Variants in GALNT9 observed in about 807,000 individuals in gnomAD.
The protein encoded by GALNT9 is GalNAc transferase 9.
In GALNT9, 47 loss-of-function variants were observed where a neutral mutation model predicts 63.1. The observed-to-expected ratio is 0.75, with a 90% CI of 0.59 to 0.95. GALNT9 has a LOEUF of 0.95. GALNT9 is among the 40% of genes least tolerant of loss of function. The pLI, the probability that GALNT9 is intolerant of heterozygous loss-of-function variation, is 0.00. For missense variants in GALNT9, 829 were observed against 874.8 expected (o/e 0.95, Z 0.66); for synonymous variants, 396 against 365.7 (o/e 1.08, Z -0.94).
intron 6 of GALNT9, among the ~76,000 whole-genome samples, chr12:132,241,049 C>A (rs2136900556): frequency 1.8e-5 from 2 of 108,358 alleles, no homozygotes; most frequent in Admixed American, 9.2e-5. Flanking sequence ...TCCAGGGGCC[C>A]TCCCTATACC....
chr12:132,261,809 G>C (rs1879398596), intron 3 of GALNT9, among the ~76,000 whole-genome samples: 1 of 152,240 alleles, frequency 6.6e-6, no homozygotes, highest in Non-Finnish European at 1.5e-5. Flanking sequence ...GGGCAGATGG[G>C]GGACAGGCCT....
At chr12:132,322,219 ACGT>A (rs1216484805) in intron 1 of GALNT9, among the ~76,000 whole-genome samples, 6 of 152,132 alleles carry the variant, frequency 3.9e-5, no homozygotes, top group African/African-American at 1.4e-4. Context: ...CCATTCGTCC[ACGT>A]CACTCAGGCC....
At chr12:132,284,214 CA>C (rs1880494997) in intron 2 of GALNT9, 1 of 151,806 alleles carries the variant, frequency 6.6e-6, no homozygotes, top group South Asian at 2.1e-4. Flanking sequence ...CGTGCACACA[CA>C]GACTCCTGTG....
chr12:132,240,795 C>A, intron 6 of GALNT9: 1 of 443,830 alleles, frequency 2.3e-6, no homozygotes, highest in Non-Finnish European at 4.5e-6. Flanking sequence ...TACATGTTTA[C>A]ACACATGCCA....
rs1555238704 is a variant in GALNT9 at position 132,252,845 on chromosome 12, T to C, written c.960-4818A>G. 6.6e-6 allele frequency among the ~76,000 whole-genome samples: 1 copy of C among 150,506 alleles called. No homozygotes were observed. Among genetic ancestry groups the C allele is most frequent in the African/African-American group, 2.5e-5 (1 of 40,766 alleles). ...TTGTGGTGAGCCGAGATCGCACCACTGCACTCCAGCCTGGGCAACAACAGC... is the reference window on the plus strand; with the variant it reads ...TTGTGGTGAGCCGAGATCGCACCACCGCACTCCAGCCTGGGCAACAACAGC... On this transcript the variant is annotated intron_variant, in intron 5 of 10. Transcript: ENST00000328957. This position sits in a 1 kb window ranked among gnomAD's most constrained non-coding sequence, Gnocchi z 5.2.
At chr12:132,303,641 A>G (rs1207458166) in intron 1 of GALNT9, among the ~76,000 whole-genome samples, 2 of 33,434 alleles carry the variant, frequency 6.0e-5, no homozygotes, top group African/African-American at 2.1e-4. Flanking sequence ...AATCGCCCAG[A>G]CACACCCTCG....
chr12:132,314,839 A>G (rs782819549), intron 1 of GALNT9, among the ~76,000 whole-genome samples: 8 of 152,236 alleles, frequency 5.3e-5, no homozygotes, highest in Admixed American at 1.3e-4. Flanking sequence ...CATCTTGGGC[A>G]GAGCGGAACT....
At chr12:132,251,657 C>G (rs967833545) in intron 5 of GALNT9, among the ~76,000 whole-genome samples, 1 of 152,190 alleles carries the variant, frequency 6.6e-6, no homozygotes, top group Admixed American at 6.5e-5. Context: ...GTCTCCTCCC[C>G]GCAGGCCCAG....
At chr12:132,268,881 G>A (rs1232437257) in intron 2 of GALNT9, among the ~76,000 whole-genome samples, 4 of 152,254 alleles carry the variant, frequency 2.6e-5, no homozygotes, top group African/African-American at 9.6e-5. Context: ...TACAAAAGCG[G>A]CGCCGGTGAG....
rs1441471525 is a variant in GALNT9 at position 132,225,898 on chromosome 12, A to ACCCACAC, written c.1077+22005_1077+22011dup. ...CCCCATACACACCACACACCCCACAACCCACACCCCACACACTGTACATAT... is the reference window on the plus strand; with the variant it reads ...CCCCATACACACCACACACCCCACAACCCACACCCCACACCCCACACACTGTACATAT... On this transcript the variant is annotated intron_variant, in intron 6 of 10. Coordinates refer to ENST00000328957, the MANE Select transcript of GALNT9 (RefSeq NM_001122636.2). 2.3e-5 allele frequency among the ~76,000 whole-genome samples: 3 copies of ACCCACAC among 128,138 alleles called. No homozygotes were observed. The South Asian group carries it at 7.9e-4, about 34-fold the overall frequency. 84.1% of individuals were successfully genotyped at this position (128,138 alleles called of 152,430 possible).
chr12:132,211,367 G>A (rs1392735444), intron 6 of GALNT9, among the ~76,000 whole-genome samples: 1 of 152,130 alleles, frequency 6.6e-6, no homozygotes, highest in Non-Finnish European at 1.5e-5. Flanking sequence ...GACGAATAAA[G>A]GTGTGTTTGA....
intron 2 of GALNT9, among the ~76,000 whole-genome samples, chr12:132,267,029 T>C (rs1447313526): frequency 6.6e-6 from 1 of 152,118 alleles, no homozygotes; most frequent in African/African-American, 2.4e-5. Flanking sequence ...GCCCGAGGTG[T>C]GATCCGCGTC....
chr12:132,286,316 C>T lies in GALNT9; in HGVS notation c.353G>A (p.Gly118Asp). Residue 118 changes from glycine (G) to aspartate (D), a missense_variant, in exon 2 of 11, where the codon GGC becomes GAC. Coordinates refer to ENST00000328957, the MANE Select transcript of GALNT9 (RefSeq NM_001122636.2). This position sits in a 1 kb window ranked among gnomAD's most constrained non-coding sequence, Gnocchi z 7.4. ...GCGGTCGCTGAGCTGAGCGTTGTAGCCGTACTCCTCATACTTGCCTTCCGC... is the reference window on the plus strand; with the variant it reads ...GCGGTCGCTGAGCTGAGCGTTGTAGTCGTACTCCTCATACTTGCCTTCCGC... ...QEAEGKYEEY[G>D]YNAQLSDRIS... 6.4e-7 allele frequency: 1 copy of T among 1,551,322 alleles called. No homozygotes were observed. The highest frequency in any genetic ancestry group is 8.7e-7 in the Non-Finnish European group (1 of 1,146,912).
At position 132,201,491 on chromosome 12, in the gene GALNT9, C is replaced by T. The variant is rs375113705; in HGVS notation, c.1264-230G>A. 5.3e-5 allele frequency among the ~76,000 whole-genome samples: 8 copies of T among 152,302 alleles called. No homozygotes were observed. The East Asian group carries it at 7.7e-4, about 15-fold the overall frequency. On this transcript the variant is annotated intron_variant, in intron 7 of 10. Transcript: ENST00000328957. ...GAAGGACCCTGCCAGAGGCCAGCCC[C>T]GGCCTGGACAGACGGCCCCTGCTGC...
intron 6 of GALNT9, among the ~76,000 whole-genome samples, chr12:132,217,610 AG>A (rs1877266123): frequency 1.4e-5 from 2 of 141,766 alleles, no homozygotes; most frequent in African/African-American, 5.3e-5. Context: ...CCATCCATCC[AG>A]CCATCCATCC....
In GALNT9 at chr12:132,315,329, C is replaced by T. The variant is rs907357901; in HGVS notation, c.238+13637G>A. Among the ~76,000 whole-genome samples the T allele has an allele frequency of 7.3e-5, 11 of 150,828 alleles. No individual in the cohort carries two copies. The highest frequency in any genetic ancestry group is 1.5e-4 in the Non-Finnish European group (10 of 67,770). Reference sequence around the variant, plus strand: ...AGGGCGGCCTCCCCCGTGTCCACTGCAAAGTGCTGGAGCCTCAGAATATAA... The same window carrying T: ...AGGGCGGCCTCCCCCGTGTCCACTGTAAAGTGCTGGAGCCTCAGAATATAA... On this transcript the variant is annotated intron_variant, in intron 1 of 10. Coordinates refer to ENST00000328957, the MANE Select transcript of GALNT9 (RefSeq NM_001122636.2). The surrounding 1 kb of genome is among the most constrained non-coding windows in gnomAD (Gnocchi z 6.1).
intron 2 of GALNT9, among the ~76,000 whole-genome samples, chr12:132,267,810 C>T (rs2135548694): frequency 6.7e-6 from 1 of 150,040 alleles, no homozygotes; most frequent in South Asian, 2.1e-4. Flanking sequence ...CGCACTCACA[C>T]ACGCACTCAC....
chr12:132,208,948 C>A (rs1593065206), intron 6 of GALNT9, among the ~76,000 whole-genome samples: 1 of 152,178 alleles, frequency 6.6e-6, no homozygotes, highest in Admixed American at 6.5e-5. Context: ...CGAGTTGATA[C>A]CCCTGTCTTG....
intron 4 of GALNT9, among the ~76,000 whole-genome samples, chr12:132,260,016 T>C (rs1566003330): frequency 1.3e-5 from 1 of 74,348 alleles, no homozygotes; most frequent in African/African-American, 2.9e-5. Context: ...ACCCTGAGCA[T>C]TGTGGGCGCG....
Sources: gnomAD v4.1 joint callset for allele counts (sites outside exome capture counted in the v4.1 genomes callset) on GRCh38, gnomAD v4.1.1 for gene constraint, Gnocchi (gnomAD v3.1) non-coding constraint, MANE v1.5 for transcripts, NCBI Gene and HGNC (gene_info 2026-07-23, HGNC 2026-07-21) for gene names.